Variants in PCDHGC3 observed in about 807,000 individuals in gnomAD.
PCDHGC3 encodes protocadherin gamma subfamily C, 3, also known as protocadherin gamma-C3.
A neutral mutation model predicts 59.2 loss-of-function variants in PCDHGC3; 26 were observed. That is an observed-to-expected ratio of 0.44 (90% CI 0.32 to 0.61). The LOEUF (loss-of-function observed/expected upper bound fraction) is 0.61, where lower values mean the gene tolerates loss of function less well. Among genes scored for constraint, PCDHGC3 ranks in the 20% least tolerant of loss-of-function variants. The pLI, the probability that PCDHGC3 is intolerant of heterozygous loss-of-function variation, is 0.05. For missense variants in PCDHGC3, 1,080 were observed against 1,221.8 expected, an observed-to-expected ratio of 0.88 and a Z score of 1.73; for synonymous variants, 487 against 519.7, an observed-to-expected ratio of 0.94 and a Z score of 0.86.
chr5:141,487,783 G>T lies in PCDHGC3; in HGVS notation c.2431-7024G>T. The T allele has an allele frequency of 6.6e-7, 1 of 1,522,846 alleles. No homozygotes were observed. The allele number at this position is 1,522,846 out of a possible 1,614,324, so 94.3% of individuals were successfully genotyped here. ...ACGCTGTGCTTTGTAACTGTTTCGT[G>T]AATTAACCAGAGTTGTCACAGTTTA... is the stretch of plus-strand genomic sequence containing the variant. On this transcript the variant is annotated intron_variant, in intron 1 of 3. Transcript: ENST00000308177. The surrounding 1 kb of genome is among the most constrained non-coding windows in gnomAD (Gnocchi z 5.0).
Position 141,491,826 on chromosome 5 carries a change from C to A in PCDHGC3, c.2431-2981C>A. 1 of 1,477,526 alleles carries A rather than the reference C, an allele frequency of 6.8e-7. No homozygotes were observed. The highest frequency in any genetic ancestry group is 9.0e-7 in the Non-Finnish European group (1 of 1,114,486). The allele number at this position is 1,477,526 out of a possible 1,614,324, so 91.5% of individuals were successfully genotyped here. A position where few individuals can be genotyped will look rare whatever the true frequency, so the allele number is the denominator to read the frequency against. ...GGCTTGGTCGCTGGCTGCGCTCCAC[C>A]CGATTCTCGGGATCATTGGACCGTT... On this transcript the variant is annotated intron_variant, in intron 1 of 3. Transcript: ENST00000308177. The surrounding 1 kb of genome is among the most constrained non-coding windows in gnomAD (Gnocchi z 6.9).
intron 1 of PCDHGC3, among the ~76,000 whole-genome samples, chr5:141,484,645 T>C (rs948669787): frequency 1.3e-5 from 2 of 151,970 alleles, no homozygotes; most frequent in Admixed American, 6.6e-5. Context: ...CACTCTCCAA[T>C]GGCTACTCTC....
rs777542913 is a variant in PCDHGC3, at chr5:141,478,287, G to C, written c.2171G>C (p.Arg724Thr). The change falls in exon 1 of 4, where the codon AGA (arginine) becomes ACA (threonine). Residue 724 changes from arginine to threonine, a missense_variant. Physicochemically the swap from Arg to Thr is moderately conservative, Grantham distance 71. Transcript: ENST00000308177. ...IFKVYKWKQS[R>T]DLYRAPVSSL... ...AAAGTTTACAAGTGGAAGCAGTCTAGAGACCTATACCGAGCCCCGGTGAGC... is the reference window on the plus strand; with the variant it reads ...AAAGTTTACAAGTGGAAGCAGTCTACAGACCTATACCGAGCCCCGGTGAGC... The C allele has an allele frequency of 6.2e-7, 1 of 1,614,154 alleles. No homozygotes were observed. Among genetic ancestry groups the C allele is most frequent in the South Asian group, 1.1e-5 (1 of 91,090 alleles).
At chr5:141,501,333 A>C (rs200092587) in intron 2 of PCDHGC3, among the ~76,000 whole-genome samples, 397 of 140,104 alleles carry the variant, frequency 2.8e-3, no homozygotes, top group Non-Finnish European at 2.6e-3. Flanking sequence ...ACACACACAC[A>C]CCCCAAACTC....
chr5:141,483,509 C>A (rs2099582178), intron 1 of PCDHGC3, among the ~76,000 whole-genome samples: 1 of 147,450 alleles, frequency 6.8e-6, no homozygotes, highest in African/African-American at 2.5e-5. Flanking sequence ...AGGCTGATCC[C>A]CCTAGATCCT....
At chr5:141,508,604 A>G (rs2099870124) in intron 3 of PCDHGC3, among the ~76,000 whole-genome samples, 1 of 152,150 alleles carries the variant, frequency 6.6e-6, no homozygotes, top group African/African-American at 2.4e-5. Flanking sequence ...TCTTGGGTGC[A>G]CATAGGACGT....
rs748105196 is a variant in PCDHGC3 at position 141,486,849 on chromosome 5, A to G, written c.2431-7958A>G. ...GTTCGTCTATTTGTGCTGGACCTCA[A>G]TGACAATGCTCCAGCTGTGCTCCGT... is the stretch of plus-strand genomic sequence containing the variant. On this transcript the variant is annotated intron_variant, in intron 1 of 3. Coordinates refer to ENST00000308177, the MANE Select transcript of PCDHGC3 (RefSeq NM_002588.4). The surrounding 1 kb of genome is among the most constrained non-coding windows in gnomAD (Gnocchi z 5.0). 4.3e-6 allele frequency: 7 copies of G among 1,614,110 alleles called. No individual in the cohort carries two copies. The highest frequency in any genetic ancestry group is 5.1e-6 in the Non-Finnish European group (6 of 1,180,036).
rs777168071 is a variant in PCDHGC3 at position 141,477,745 on chromosome 5, C to A, written c.1629C>A (p.Gly543=). The A allele has an allele frequency of 5.0e-6, 8 of 1,613,682 alleles. No homozygotes were observed. The highest frequency in any genetic ancestry group is 6.8e-6 in the Non-Finnish European group (8 of 1,180,042). The change falls in exon 1 of 4, where the codon GGC becomes GGA. Residue 543 remains glycine, a synonymous_variant. Transcript: ENST00000308177. The surrounding 1 kb of genome is among the most constrained non-coding windows in gnomAD (Gnocchi z 4.9). The part of the protein sequence containing the change: ...FELTAHISDG[G]TPVLATNISV... ...TAACAGCTCATATCAGCGATGGGGG[C>A]ACCCCGGTCCTAGCCACCAACATCA...
chr5:141,483,444 T>C (rs956913442), intron 1 of PCDHGC3, among the ~76,000 whole-genome samples: 1 of 152,108 alleles, frequency 6.6e-6, no homozygotes, highest in African/African-American at 2.4e-5. Context: ...TACAATAAAA[T>C]CATCAGGACT....
Position 141,477,686 on chromosome 5 carries a change from C to T in PCDHGC3, c.1570C>T (p.Pro524Ser), listed in dbSNP as rs201090822. Reference sequence around the variant, plus strand: ...CAATGGCATAGTGTCATCCTTAGTGCCCCTAGACTATGAGGATCGGCGGGA... The same window carrying T: ...CAATGGCATAGTGTCATCCTTAGTGTCCCTAGACTATGAGGATCGGCGGGA... ...RDNGIVSSLV[P>S]LDYEDRREFE... The change falls in exon 1 of 4, where the codon CCC (proline) becomes TCC (serine). Residue 524 changes from proline to serine, a missense_variant. Physicochemically the swap from Pro to Ser is moderately conservative, Grantham distance 74. Coordinates refer to ENST00000308177, the MANE Select transcript of PCDHGC3 (RefSeq NM_002588.4). This position sits in a 1 kb window ranked among gnomAD's most constrained non-coding sequence, Gnocchi z 4.9. The T allele has an allele frequency of 4.3e-6, 7 of 1,614,024 alleles. No homozygotes were observed. The highest frequency in any genetic ancestry group is 1.6e-4 in the Middle Eastern group (1 of 6,084).
chr5:141,505,298 T>C, intron 2 of PCDHGC3, 95 bp from the exon 3 acceptor site: 1 of 1,586,334 alleles, frequency 6.3e-7, no homozygotes, highest in Non-Finnish European at 8.6e-7. Flanking sequence ...GGGGTAGGGT[T>C]AGGGTACTAG....
chr5:141,478,851 C>T, intron 1 of PCDHGC3: 1 of 1,374,810 alleles, frequency 7.3e-7, no homozygotes, highest in Non-Finnish European at 9.6e-7. Context: ...AGCTAAAACA[C>T]AAGATCTCAG....
At chr5:141,479,023 GT>G (rs1436478867) in intron 1 of PCDHGC3, among the ~76,000 whole-genome samples, 1 of 152,056 alleles carries the variant, frequency 6.6e-6, no homozygotes, top group Non-Finnish European at 1.5e-5. Context: ...ATTTTCCTTT[GT>G]TTATACAGAT....
chr5:141,510,837 GTCAAGGCCCAGGGTGC>G, intron 3 of PCDHGC3, 94 bp from the exon 4 acceptor site: 1 of 1,586,392 alleles, frequency 6.3e-7, no homozygotes, highest in Non-Finnish European at 8.6e-7. Flanking sequence ...GCTCAGCGTG[GTCAAGGCCCAGGGTGC>G]TGTATAGGCA....
chr5:141,491,932 G>A lies in PCDHGC3; in HGVS notation c.2431-2875G>A. Reference sequence around the variant, plus strand: ...GGCGACTGTGGGCGAGGGGAGGTGGGACCGACCCCCACCCCTACACTCAAA... The same window carrying A: ...GGCGACTGTGGGCGAGGGGAGGTGGAACCGACCCCCACCCCTACACTCAAA... On this transcript the variant is annotated intron_variant, in intron 1 of 3. Transcript: ENST00000308177. This position sits in a 1 kb window ranked among gnomAD's most constrained non-coding sequence, Gnocchi z 6.9. 1 of 1,259,014 alleles carries A rather than the reference G, an allele frequency of 7.9e-7. No homozygotes were observed. The highest frequency in any genetic ancestry group is 1.1e-6 in the Non-Finnish European group (1 of 926,048). The allele number at this position is 1,259,014 out of a possible 1,614,324, so 78.0% of individuals were successfully genotyped here. A position where few individuals can be genotyped will look rare whatever the true frequency, so the allele number is the denominator to read the frequency against.
intron 2 of PCDHGC3, among the ~76,000 whole-genome samples, chr5:141,495,430 C>A (rs1189953474): frequency 6.6e-6 from 1 of 152,220 alleles, no homozygotes; most frequent in Non-Finnish European, 1.5e-5. Context: ...TCCCACTGTC[C>A]TCTGCCCCTA....
chr5:141,510,814 CT>C, intron 3 of PCDHGC3, 132 bp from the exon 4 acceptor site: 1 of 1,544,688 alleles, frequency 6.5e-7, no homozygotes, highest in Non-Finnish European at 8.8e-7. Context: ...TTGGTGACCC[CT>C]ATATTCCCAG....
rs888556794 is a variant in PCDHGC3 at position 141,493,414 on chromosome 5, A to T, written c.2431-1393A>T. Among the ~76,000 whole-genome samples, 2 of 152,058 alleles carry T rather than the reference A, an allele frequency of 1.3e-5. No individual in the cohort carries two copies. Among genetic ancestry groups the T allele is most frequent in the Admixed American group, 6.6e-5 (1 of 15,248 alleles). ...GGAGAGGGGAGTTGCCTCTGCTGGG[A>T]TTTTGCTTCTGCTGGGATGGGGCAA... On this transcript the variant is annotated intron_variant, in intron 1 of 3. Coordinates refer to ENST00000308177, the MANE Select transcript of PCDHGC3 (RefSeq NM_002588.4). The surrounding 1 kb of genome is among the most constrained non-coding windows in gnomAD (Gnocchi z 4.3).
At position 141,476,304 on chromosome 5, in the gene PCDHGC3, C is replaced by T. The variant is rs769790423; in HGVS notation, c.188C>T (p.Ala63Val). Residue 63 changes from alanine (A) to valine (V), a missense_variant, in exon 1 of 4, where the codon GCC becomes GTC. Ala to Val is a moderately conservative substitution (Grantham distance 64). Coordinates refer to ENST00000308177, the MANE Select transcript of PCDHGC3 (RefSeq NM_002588.4). The surrounding 1 kb of genome is among the most constrained non-coding windows in gnomAD (Gnocchi z 7.6). Reference sequence around the variant, plus strand: ...GGTTTGGATCTCGGTAGCCTCTCAGCCCGCAGGTTCCGGGTGGTGTCTGGA... The same window carrying T: ...GGTTTGGATCTCGGTAGCCTCTCAGTCCGCAGGTTCCGGGTGGTGTCTGGA... ...NLGLDLGSLS[A>V]RRFRVVSGAS... The T allele has an allele frequency of 6.2e-7, 1 of 1,613,746 alleles. No individual in the cohort carries two copies. Among genetic ancestry groups the T allele is most frequent in the Admixed American group, 1.7e-5 (1 of 59,988 alleles).
Sources: allele counts gnomAD v4.1 joint callset (sites outside exome capture counted in the v4.1 genomes callset), GRCh38; gene constraint gnomAD v4.1.1; non-coding constraint Gnocchi (gnomAD v3.1); transcripts MANE v1.5; gene names NCBI Gene and HGNC (gene_info 2026-07-23, HGNC 2026-07-21).